ASCC3: variants seen among roughly 807,000 people sequenced by gnomAD.
ASCC3 encodes activating signal cointegrator 1 complex subunit 3.
ASCC3 carries 158 observed loss-of-function variants against 256.3 expected under a neutral mutation model. The observed-to-expected ratio is 0.62, with a 90% CI of 0.54 to 0.70. ASCC3 has a LOEUF of 0.70. Among genes scored for constraint, ASCC3 ranks in the 30% least tolerant of loss-of-function variants. The probability of loss-of-function intolerance (pLI) is 0.00; values close to 1 mark genes in which losing one functional copy is unlikely to be tolerated. For missense variants in ASCC3, 2,259 were observed against 2,626.0 expected (o/e 0.86, Z 3.05); for synonymous variants, 948 against 883.4 (o/e 1.07, Z -1.30).
chr6:100,718,136 T>C lies in ASCC3; in HGVS notation c.2018A>G (p.Asp673Gly), dbSNP rs1280544605. The change falls in exon 12 of 42, where the codon GAT becomes GGT. Residue 673 changes from aspartate (D) to glycine (G), a missense_variant. Transcript: ENST00000369162. ...VNPYIGLFFF[D>G]GRFRPVPLGQ... ...AAGAGGTACTGGTCGAAAACGGCCA[T>C]CAAAGAAGAAAAGTCCAATGTATGG... is the stretch of plus-strand genomic sequence containing the variant. 1.9e-6 allele frequency: 3 copies of C among 1,613,690 alleles called. No homozygotes were observed. The highest frequency in any genetic ancestry group is 2.2e-5 in the South Asian group (2 of 91,070).
chr6:100,654,181 TA>T (rs1222981971), intron 17 of ASCC3, among the ~76,000 whole-genome samples: 1 of 152,066 alleles, frequency 6.6e-6, no homozygotes, highest in African/African-American at 2.4e-5. Context: ...CTTATAAAAC[TA>T]TTTTATTAAT....
intron 8 of ASCC3, among the ~76,000 whole-genome samples, chr6:100,778,378 G>T (rs917089979): frequency 6.8e-6 from 1 of 146,680 alleles, no homozygotes; most frequent in Non-Finnish European, 1.5e-5. Context: ...TCAAAAGTTT[G>T]CATTCTAGTA....
chr6:100,569,104 C>A (rs1010649708), intron 36 of ASCC3, among the ~76,000 whole-genome samples: 1 of 152,034 alleles, frequency 6.6e-6, no homozygotes, highest in Admixed American at 6.6e-5. Flanking sequence ...AGGATTCTTA[C>A]AGTTTGAAGT....
At chr6:100,607,864 T>C (rs997118847) in intron 30 of ASCC3, among the ~76,000 whole-genome samples, 1 of 150,946 alleles carries the variant, frequency 6.6e-6, no homozygotes, top group African/African-American at 2.4e-5. Context: ...CTTCGATCAA[T>C]AGTACAGCTA....
chr6:100,577,742 C>CCA lies in ASCC3; in HGVS notation c.5550+11890_5550+11891dup, dbSNP rs139409330. 1.2e-3 allele frequency among the ~76,000 whole-genome samples: 180 copies of CCA among 149,470 alleles called. 1 individual carries two copies. Among genetic ancestry groups the CCA allele is most frequent in the East Asian group, 8.4e-3 (43 of 5,124 alleles). On this transcript the variant is annotated intron_variant, in intron 36 of 41. Transcript: ENST00000369162. ...TGTGAACACACACACACCCACCCAC[C>CCA]CACACACACACACACACTCTCTCAC...
chr6:100,684,450 G>A (rs1777460802), intron 13 of ASCC3, among the ~76,000 whole-genome samples: 1 of 152,130 alleles, frequency 6.6e-6, no homozygotes, highest in African/African-American at 2.4e-5. Flanking sequence ...GGCAAGCCAC[G>A]AAACTGCATT....
At chr6:100,719,685 A>C (rs1314968078) in intron 11 of ASCC3, among the ~76,000 whole-genome samples, 1 of 151,976 alleles carries the variant, frequency 6.6e-6, no homozygotes, top group Non-Finnish European at 1.5e-5. Flanking sequence ...CAAACCTTCA[A>C]GTCTATACAC....
intron 4 of ASCC3, among the ~76,000 whole-genome samples, chr6:100,835,648 G>A (rs1174565328): frequency 6.6e-6 from 1 of 152,076 alleles, no homozygotes; most frequent in African/African-American, 2.4e-5. Flanking sequence ...TTTTATGCCA[G>A]TACCATGCTC....
chr6:100,799,580 C>T lies in ASCC3; in HGVS notation c.1128-8G>A. The T allele has an allele frequency of 1.9e-6, 3 of 1,610,716 alleles. No individual in the cohort carries two copies. The highest frequency in any genetic ancestry group is 2.5e-6 in the Non-Finnish European group (3 of 1,178,682). ...TTCAGAAGTGCCTGTTCTCTGTAAA[C>T]ATAAAAATAGGCCTAATTTGAAATG... On this transcript the variant is annotated splice_polypyrimidine_tract_variant and splice_region_variant and intron_variant, in intron 6 of 41. Transcript: ENST00000369162.
intron 36 of ASCC3, among the ~76,000 whole-genome samples, chr6:100,562,927 T>C (rs534978514): frequency 1.3e-5 from 2 of 152,240 alleles, no homozygotes; most frequent in Non-Finnish European, 2.9e-5. Flanking sequence ...TTTGAATCCC[T>C]GACAATTTCA....
chr6:100,568,914 A>T (rs543432969), intron 36 of ASCC3, among the ~76,000 whole-genome samples: 1 of 151,744 alleles, frequency 6.6e-6, no homozygotes, highest in South Asian at 2.1e-4. Context: ...AGTAACTGGG[A>T]CTACGGGCAC....
chr6:100,725,181 C>A (rs1444544674), intron 11 of ASCC3, among the ~76,000 whole-genome samples: 2 of 151,720 alleles, frequency 1.3e-5, no homozygotes, highest in South Asian at 2.1e-4. Flanking sequence ...TTGATTAGGT[C>A]AAAAAATAAG....
rs139358895 is a variant in ASCC3 at position 100,509,716 on chromosome 6, G to A, written c.6462-183C>T. Among the ~76,000 whole-genome samples, 1,005 of 152,070 alleles carry A rather than the reference G, an allele frequency of 6.6e-3. 13 individuals carry two copies. Among genetic ancestry groups the A allele is most frequent in the African/African-American group, 0.023 (945 of 41,488 alleles). On this transcript the variant is annotated intron_variant, in intron 41 of 41. Transcript: ENST00000369162. ...GAGATGGAGACCACGGTGAAACCCC[G>A]TCTCTACTAAAAATACAAAAAATTA...
chr6:100,829,684 G>T (rs1042186953), intron 4 of ASCC3, among the ~76,000 whole-genome samples: 3 of 152,230 alleles, frequency 2.0e-5, no homozygotes, highest in Admixed American at 1.3e-4. Context: ...CCGCCAAAGT[G>T]GGAGCCCAGG....
chr6:100,706,120 G>A (rs1353359335), intron 13 of ASCC3, among the ~76,000 whole-genome samples: 1 of 151,684 alleles, frequency 6.6e-6, no homozygotes, highest in East Asian at 1.9e-4. Flanking sequence ...TACACATATA[G>A]TTAGACTTCT....
chr6:100,509,812 C>T (rs573467765), intron 41 of ASCC3, 120 bp downstream of exon 41: 42 of 1,024,504 alleles, frequency 4.1e-5, no homozygotes, highest in Non-Finnish European at 5.3e-5. Context: ...GGCGTGAACC[C>T]GGGAGGCGGA....
chr6:100,805,675 AT>A, intron 5 of ASCC3, 84 bp downstream of exon 5: 1 of 1,476,302 alleles, frequency 6.8e-7, no homozygotes, highest in Non-Finnish European at 9.2e-7. Flanking sequence ...ACCAAAACAT[AT>A]TTTAAAATGT....
intron 36 of ASCC3, among the ~76,000 whole-genome samples, chr6:100,545,600 T>TA (rs1164133973): frequency 2.0e-5 from 3 of 151,810 alleles, no homozygotes; most frequent in African/African-American, 7.3e-5. Flanking sequence ...ATTCTCTTTT[T>TA]AAAAAACAGA....
At chr6:100,568,784 T>C (rs929425012) in intron 36 of ASCC3, among the ~76,000 whole-genome samples, 68 of 147,602 alleles carry the variant, frequency 4.6e-4, no homozygotes, top group Admixed American at 4.6e-3. Flanking sequence ...ATTATTATTA[T>C]TATTATTTTT....
Sources: allele counts gnomAD v4.1 joint callset (sites outside exome capture counted in the v4.1 genomes callset), GRCh38; gene constraint gnomAD v4.1.1; transcripts MANE v1.5; gene names NCBI Gene and HGNC (gene_info 2026-07-23, HGNC 2026-07-21).